Variants in TUBGCP4 observed in about 807,000 individuals in gnomAD.
TUBGCP4 encodes tubulin gamma complex component 4.
TUBGCP4 carries 54 observed loss-of-function variants against 91.6 expected under a neutral mutation model. That is an observed-to-expected ratio of 0.59 (90% CI 0.47 to 0.74). The LOEUF is 0.74. TUBGCP4 is among the 30% of genes least tolerant of loss of function. The probability of loss-of-function intolerance (pLI) is 0.00; values close to 1 mark genes in which losing one functional copy is unlikely to be tolerated. For synonymous variants in TUBGCP4, 297 were observed against 302.8 expected (o/e 0.98, Z 0.20); for missense variants, 593 against 800.9 (o/e 0.74, Z 3.13).
chr15:43,376,126 C>G lies in TUBGCP4; in HGVS notation c.107C>G (p.Pro36Arg), dbSNP rs938605728. The change falls in exon 2 of 18, where the codon CCC becomes CGC. Residue 36 changes from proline (P) to arginine (R), a missense_variant. Transcript: ENST00000564079. The stretch of plus-strand genomic sequence containing the variant: ...TCGCAGGACTTCCCTTTCCTCCACC[C>G]CAGTGAGACCAGTGTCCTGAATCGA... Reference protein sequence around the residue: ...QVSQDFPFLHPSETSVLNRLC... With the variant: ...QVSQDFPFLHRSETSVLNRLC... The G allele has an allele frequency of 3.1e-6, 5 of 1,614,146 alleles. No homozygotes were observed. Among genetic ancestry groups the G allele is most frequent in the Non-Finnish European group, 4.2e-6 (5 of 1,180,004 alleles).
In TUBGCP4 at chr15:43,407,613, C is replaced by G. The variant is rs780659090; in HGVS notation, c.*2399C>G. Reference sequence around the variant, plus strand: ...AAGTGAAGAAGGAAAGGACACTCAACTTAGCCCTCCATTAGAAAGAGAGAT... The same window carrying G: ...AAGTGAAGAAGGAAAGGACACTCAAGTTAGCCCTCCATTAGAAAGAGAGAT... On this transcript the variant is annotated 3_prime_UTR_variant, in exon 18 of 18. Coordinates refer to ENST00000564079, the MANE Select transcript of TUBGCP4 (RefSeq NM_014444.5). The G allele has an allele frequency of 3.2e-6, 5 of 1,555,960 alleles. No homozygotes were observed. The East Asian group carries it at 1.1e-4, about 35-fold the overall frequency.
rs150685179 is a variant in TUBGCP4, at chr15:43,398,519, G to A, written c.1418+340G>A. The A allele has an allele frequency of 1.8e-3, 312 of 172,656 alleles. 3 individuals carry two copies. Among genetic ancestry groups the A allele is most frequent in the African/African-American group, 6.9e-3 (291 of 42,382 alleles). The allele number at this position is 172,656 out of a possible 1,614,324, so 10.7% of individuals were successfully genotyped here. ...TTAATAAGTGAAGCCACAGATATGA[G>A]ACACGGAGTTGGAATCAGTGGGAGG... On this transcript the variant is annotated intron_variant, in intron 13 of 17. Coordinates refer to ENST00000564079, the MANE Select transcript of TUBGCP4 (RefSeq NM_014444.5).
At position 43,406,621 on chromosome 15, in the gene TUBGCP4, T is replaced by A. The variant is rs2044898285; in HGVS notation, c.*1407T>A. 2.2e-6 allele frequency: 1 copy of A among 455,908 alleles called. No individual in the cohort carries two copies. The allele number at this position is 455,908 out of a possible 1,614,324, so 28.2% of individuals were successfully genotyped here. ...TACAGAAAAAAACCTTGTTGACCCCTGCTTTAGAGAATGAGAAGCCATGCA... is the reference window on the plus strand; with the variant it reads ...TACAGAAAAAAACCTTGTTGACCCCAGCTTTAGAGAATGAGAAGCCATGCA... On this transcript the variant is annotated 3_prime_UTR_variant, in exon 18 of 18. Coordinates refer to ENST00000564079, the MANE Select transcript of TUBGCP4 (RefSeq NM_014444.5).
intron 6 of TUBGCP4, 150 bp downstream of exon 6, chr15:43,380,313 T>C: frequency 2.8e-6 from 2 of 720,532 alleles, no homozygotes; most frequent in Non-Finnish European, 4.7e-6. Flanking sequence ...GAGGAGCCCA[T>C]GTAACCTTTA....
chr15:43,386,581 C>T (rs2044377028), intron 9 of TUBGCP4, among the ~76,000 whole-genome samples: 2 of 148,080 alleles, frequency 1.4e-5, no homozygotes, highest in Non-Finnish European at 3.0e-5. Flanking sequence ...AAAAATTAGT[C>T]GGGTGTGGTG....
intron 9 of TUBGCP4, among the ~76,000 whole-genome samples, chr15:43,389,600 A>G (rs905340901): frequency 6.6e-6 from 1 of 152,156 alleles, no homozygotes; most frequent in Non-Finnish European, 1.5e-5. Context: ...GTCTATTTAT[A>G]TGATAAATTT....
rs1159783176 is a variant in TUBGCP4, at chr15:43,401,805, C to T, written c.1686C>T (p.His562=). Residue 562 remains histidine, a synonymous_variant, in exon 15 of 18, where the codon CAC becomes CAT. Coordinates refer to ENST00000564079, the MANE Select transcript of TUBGCP4 (RefSeq NM_014444.5). ...DFESIRLAHD[H]FLSNLLAQSF... Reference sequence around the variant, plus strand: ...AAAGCATCCGATTGGCTCATGACCACTTCCTGAGCAATTTGCTGGCTCAAT... The same window carrying T: ...AAAGCATCCGATTGGCTCATGACCATTTCCTGAGCAATTTGCTGGCTCAAT... 1.9e-6 allele frequency: 3 copies of T among 1,614,068 alleles called. No homozygotes were observed. The highest frequency in any genetic ancestry group is 1.3e-5 in the African/African-American group (1 of 74,934).
At chr15:43,391,756 A>G (rs2044471485) in intron 9 of TUBGCP4, 1 of 152,094 alleles carries the variant, frequency 6.6e-6, no homozygotes, top group Non-Finnish European at 1.5e-5. Context: ...TATTTTTTAA[A>G]TATATATTTT....
In TUBGCP4 at chr15:43,376,240, T is replaced by A; in HGVS notation, c.207+14T>A. 1 of 1,612,820 alleles carries A rather than the reference T, an allele frequency of 6.2e-7. No individual in the cohort carries two copies. The highest frequency in any genetic ancestry group is 8.5e-7 in the Non-Finnish European group (1 of 1,179,432). ...GTGCAACAGCAGGTGGGTCCTGTTC[T>A]CTGTGGGTGTACACCTCTAGAGGGC... On this transcript the variant is annotated intron_variant, in intron 2 of 17. Transcript: ENST00000564079.
chr15:43,371,136 A>G lies in TUBGCP4; in HGVS notation c.-219A>G, dbSNP rs574242408. On this transcript the variant is annotated 5_prime_UTR_variant, in exon 1 of 18. Coordinates refer to ENST00000564079, the MANE Select transcript of TUBGCP4 (RefSeq NM_014444.5). ...GAGCCCGGGCGGGAGTAGCTGGTGG[A>G]CCCCGTTGAGCTGCCGAACTTCCGG... 8.3e-6 allele frequency: 5 copies of G among 603,160 alleles called. 1 individual carries two copies. The highest frequency in any genetic ancestry group is 5.5e-5 in the South Asian group (3 of 54,670). The allele number at this position is 603,160 out of a possible 1,614,324, so 37.4% of individuals were successfully genotyped here. A position where few individuals can be genotyped will look rare whatever the true frequency, so the allele number is the denominator to read the frequency against.
Position 43,371,124 on chromosome 15 carries a change from A to T in TUBGCP4, c.-231A>T. ...TCAGTCTCCGCAGAGCCCGGGCGGG[A>T]GTAGCTGGTGGACCCCGTTGAGCTG... On this transcript the variant is annotated 5_prime_UTR_variant, in exon 1 of 18. Transcript: ENST00000564079. The T allele has an allele frequency of 3.4e-6, 2 of 594,228 alleles. No individual in the cohort carries two copies. Among genetic ancestry groups the T allele is most frequent in the Non-Finnish European group, 6.0e-6 (2 of 330,786 alleles). The allele number at this position is 594,228 out of a possible 1,614,324, so 36.8% of individuals were successfully genotyped here.
chr15:43,391,008 TTTC>T (rs901549706), intron 9 of TUBGCP4, among the ~76,000 whole-genome samples: 1 of 151,556 alleles, frequency 6.6e-6, no homozygotes, highest in Non-Finnish European at 1.5e-5. Context: ...TTTCTTTTCT[TTTC>T]TTCTTTTTTT....
rs777730175 is a variant in TUBGCP4, at chr15:43,385,922, G to A, written c.855G>A (p.Met285Ile). 2 of 1,614,066 alleles carry A rather than the reference G, an allele frequency of 1.2e-6. No individual in the cohort carries two copies. Among genetic ancestry groups the A allele is most frequent in the Non-Finnish European group, 1.7e-6 (2 of 1,179,988 alleles). ...TATTTGTTGGAGAATCTGTCCAGAT[G>A]TTTGAGAATCAAAATGTGAACCTGA... ...KILFVGESVQ[M>I]FENQNVNLTR... Residue 285 changes from methionine to isoleucine, a missense_variant, in exon 8 of 18, where the codon ATG (methionine) becomes ATA (isoleucine). Met to Ile is a conservative substitution (Grantham distance 10). Coordinates refer to ENST00000564079, the MANE Select transcript of TUBGCP4 (RefSeq NM_014444.5).
Position 43,376,469 on chromosome 15 carries a change from G to A in TUBGCP4, c.208-34G>A, listed in dbSNP as rs376996600. On this transcript the variant is annotated intron_variant, in intron 2 of 17. Coordinates refer to ENST00000564079, the MANE Select transcript of TUBGCP4 (RefSeq NM_014444.5). The stretch of plus-strand genomic sequence containing the variant: ...GTCTTTCTCAGGTTTCAGGGCCTGA[G>A]CTGAGAAGTTGGCTTCTGTTTGTTT... 11 of 1,614,074 alleles carry A rather than the reference G, an allele frequency of 6.8e-6. No individual in the cohort carries two copies. In the African/African-American group the frequency reaches 1.3e-4, roughly 20 times the overall value.
chr15:43,375,971 G>A (rs2044197787), intron 1 of TUBGCP4, 127 bp from the exon 2 acceptor site: 3 of 1,399,328 alleles, frequency 2.1e-6, no homozygotes, highest in Non-Finnish European at 2.9e-6. Flanking sequence ...TTGTTATCCA[G>A]AACTTAACAC....
Position 43,406,835 on chromosome 15 carries a change from T to C in TUBGCP4, c.*1621T>C. The stretch of plus-strand genomic sequence containing the variant: ...GTCACTGTCCCTTCATGGCAGTTGG[T>C]CCTTTCGTTCTCCCTTTAGCTCTAA... On this transcript the variant is annotated 3_prime_UTR_variant, in exon 18 of 18. Transcript: ENST00000564079. The C allele has an allele frequency of 6.2e-6, 2 of 325,146 alleles. No individual in the cohort carries two copies. Among genetic ancestry groups the C allele is most frequent in the South Asian group, 5.4e-5 (2 of 37,106 alleles). 20.1% of individuals were successfully genotyped at this position (325,146 alleles called of 1,614,324 possible). A position where few individuals can be genotyped will look rare whatever the true frequency, so the allele number is the denominator to read the frequency against.
At chr15:43,373,665 C>T (rs1216881229) in intron 1 of TUBGCP4, among the ~76,000 whole-genome samples, 9 of 118,520 alleles carry the variant, frequency 7.6e-5, no homozygotes, top group South Asian at 2.6e-4. Context: ...TTTTTTTTTT[C>T]CGAGATGGAG....
At chr15:43,396,801 C>A (rs2044588426) in intron 11 of TUBGCP4, among the ~76,000 whole-genome samples, 1 of 152,070 alleles carries the variant, frequency 6.6e-6, no homozygotes, top group African/African-American at 2.4e-5. Flanking sequence ...CTACTAAGCC[C>A]CTGTTTATCT....
chr15:43,400,931 C>T (rs1217579573), intron 14 of TUBGCP4, among the ~76,000 whole-genome samples: 1 of 150,900 alleles, frequency 6.6e-6, no homozygotes, highest in Non-Finnish European at 1.5e-5. Flanking sequence ...AAAAAAAAAA[C>T]TCCAGGCTTC....
Sources: allele counts gnomAD v4.1 joint callset (sites outside exome capture counted in the v4.1 genomes callset), GRCh38; gene constraint gnomAD v4.1.1; transcripts MANE v1.5; gene names NCBI Gene and HGNC (gene_info 2026-07-23, HGNC 2026-07-21).